ITPR1: variants seen among roughly 807,000 people sequenced by gnomAD.
The protein encoded by ITPR1 is inositol 1,4,5-trisphosphate-gated calcium channel ITPR1.
A neutral mutation model predicts 318.4 loss-of-function variants in ITPR1; 96 were observed. That is an observed-to-expected ratio of 0.30 (90% CI 0.26 to 0.36). The LOEUF is 0.36. Among genes scored for constraint, ITPR1 ranks in the 10% least tolerant of loss-of-function variants. ITPR1 has a pLI of 1.00. For missense variants in ITPR1, 2,440 were observed against 3,460.2 expected (o/e 0.71, Z 7.40); for synonymous variants, 1,312 against 1,289.9 (o/e 1.02, Z -0.37).
Position 4,662,552 on chromosome 3 carries a change from A to G in ITPR1, c.1412+310A>G, listed in dbSNP as rs530853513. 9.6e-3 allele frequency among the ~76,000 whole-genome samples: 1,456 copies of G among 152,112 alleles called. 21 individuals are homozygous for G. Among genetic ancestry groups the G allele is most frequent in the African/African-American group, 0.033 (1,367 of 41,486 alleles). The stretch of plus-strand genomic sequence containing the variant: ...AGCCTGCCTAACATGGTGAAACCCC[A>G]TCTCTACTAAAAATACAAAAATTAG... On this transcript the variant is annotated intron_variant, in intron 15 of 61. Coordinates refer to ENST00000649015, the MANE Select transcript of ITPR1 (RefSeq NM_001378452.1).
intron 44 of ITPR1, among the ~76,000 whole-genome samples, chr3:4,741,291 G>A (rs1352082960): frequency 6.6e-6 from 1 of 152,152 alleles, no homozygotes; most frequent in Non-Finnish European, 1.5e-5. Flanking sequence ...GCACATTATG[G>A]GGATAGATAG....
rs112081954 is a variant in ITPR1, at chr3:4,615,533, C to T, written c.164-12230C>T. On this transcript the variant is annotated intron_variant, in intron 4 of 61. Coordinates refer to ENST00000649015, the MANE Select transcript of ITPR1 (RefSeq NM_001378452.1). ...CTGGGATTATAGACATGTGCCACCA[C>T]GCCTGGCTAATTTTGTATTTTTAGT... is the stretch of plus-strand genomic sequence containing the variant. 3.1e-3 allele frequency among the ~76,000 whole-genome samples: 479 copies of T among 152,066 alleles called. 2 individuals are homozygous for T. Among genetic ancestry groups the T allele is most frequent in the Non-Finnish European group, 5.5e-3 (376 of 67,982 alleles).
intron 51 of ITPR1, among the ~76,000 whole-genome samples, chr3:4,785,878 A>T (rs187161538): frequency 6.6e-6 from 1 of 152,358 alleles, no homozygotes; most frequent in African/African-American, 2.4e-5. Context: ...AAGAGAAGTG[A>T]CCAGGCATGA....
At chr3:4,699,606 G>A (rs2094611575) in intron 34 of ITPR1, among the ~76,000 whole-genome samples, 1 of 152,122 alleles carries the variant, frequency 6.6e-6, no homozygotes, top group African/African-American at 2.4e-5. Context: ...TAATGTTTGT[G>A]ATTTTGCATC....
intron 61 of ITPR1, among the ~76,000 whole-genome samples, chr3:4,842,147 A>G (rs1016777143): frequency 6.6e-6 from 1 of 152,228 alleles, no homozygotes; most frequent in African/African-American, 2.4e-5. Flanking sequence ...AAATTTGCCC[A>G]TTTCTACTGT....
At chr3:4,812,965 T>C in intron 56 of ITPR1, 177 bp from the exon 57 acceptor site, 1 of 616,796 alleles carries the variant, frequency 1.6e-6, no homozygotes, top group Non-Finnish European at 2.9e-6. Flanking sequence ...TTGGCTTTTT[T>C]CCCATCCAGA....
chr3:4,770,923 G>C (rs1265479324), intron 46 of ITPR1, among the ~76,000 whole-genome samples: 1 of 152,134 alleles, frequency 6.6e-6, no homozygotes, highest in African/African-American at 2.4e-5. Flanking sequence ...AGGCAAAGGG[G>C]GAGTGAGTGA....
At chr3:4,636,342 G>C (rs994064652) in intron 5 of ITPR1, among the ~76,000 whole-genome samples, 1 of 152,134 alleles carries the variant, frequency 6.6e-6, no homozygotes, top group Non-Finnish European at 1.5e-5. Context: ...GAAGGCTCAG[G>C]CATCATTAAA....
In ITPR1 at chr3:4,528,017, C is replaced by T. The variant is rs145168032; in HGVS notation, c.163+6923C>T. ...TTTCATGCTTGAGTGATAAGAAACA[C>T]TTGAGTGTCAATAGCCTACTTCTCT... On this transcript the variant is annotated intron_variant, in intron 4 of 61. Transcript: ENST00000649015. Among the ~76,000 whole-genome samples, 20 of 152,288 alleles carry T rather than the reference C, an allele frequency of 1.3e-4. No individual in the cohort carries two copies. In the East Asian group the frequency reaches 3.9e-3, roughly 29 times the overall value.
chr3:4,496,657 G>A (rs2080596529), intron 2 of ITPR1, among the ~76,000 whole-genome samples: 1 of 152,200 alleles, frequency 6.6e-6, no homozygotes, highest in African/African-American at 2.4e-5. Flanking sequence ...AAGTGAGGAA[G>A]ATCAGGGTGT....
intron 13 of ITPR1, among the ~76,000 whole-genome samples, chr3:4,659,827 G>A (rs116099794): frequency 0.019 from 2,888 of 151,998 alleles, 80 homozygotes; most frequent in African/African-American, 0.064. Context: ...TATTAATATA[G>A]GTATTCATAT....
intron 44 of ITPR1, among the ~76,000 whole-genome samples, chr3:4,744,586 C>A (rs1369776886): frequency 1.3e-5 from 2 of 152,216 alleles, no homozygotes; most frequent in Admixed American, 6.5e-5. Flanking sequence ...GTAGTTGTGA[C>A]AGATAGCTGC....
intron 4 of ITPR1, among the ~76,000 whole-genome samples, chr3:4,529,816 T>G (rs79561967): frequency 0.013 from 1,921 of 152,332 alleles, 37 homozygotes; most frequent in African/African-American, 0.044. Context: ...TCTATTTAAT[T>G]AATATACTTT....
rs1446618326 is a variant in ITPR1, at chr3:4,710,993, C to G, written c.4991+520C>G. On this transcript the variant is annotated intron_variant, in intron 38 of 61. Coordinates refer to ENST00000649015, the MANE Select transcript of ITPR1 (RefSeq NM_001378452.1). This position sits in a 1 kb window ranked among gnomAD's most constrained non-coding sequence, Gnocchi z 4.2. ...TTGGGAGGCCGGGGCTGGTGAATCA[C>G]CTGAGGTCAGGGGTTCAAGACCAGC... Among the ~76,000 whole-genome samples, 1 of 152,024 alleles carries G rather than the reference C, an allele frequency of 6.6e-6. No homozygotes were observed. The highest frequency in any genetic ancestry group is 1.5e-5 in the Non-Finnish European group (1 of 67,990).
At chr3:4,632,845 T>C (rs1218913796) in intron 5 of ITPR1, among the ~76,000 whole-genome samples, 3 of 150,772 alleles carry the variant, frequency 2.0e-5, no homozygotes, top group Non-Finnish European at 4.4e-5. Context: ...CAGAAATCTC[T>C]CTCATGCTGT....
At chr3:4,643,411 G>T (rs1423501109) in intron 7 of ITPR1, among the ~76,000 whole-genome samples, 1 of 152,100 alleles carries the variant, frequency 6.6e-6, no homozygotes. Flanking sequence ...GAATCTGTGT[G>T]TGGCCATGGC....
intron 10 of ITPR1, 91 bp downstream of exon 10, chr3:4,645,819 CATACAT>C: frequency 3.4e-6 from 4 of 1,168,480 alleles, no homozygotes; most frequent in Non-Finnish European, 4.9e-6. Flanking sequence ...AATATTCATA[CATACAT>C]ATACCTATAT....
intron 4 of ITPR1, among the ~76,000 whole-genome samples, chr3:4,564,552 C>G (rs544222983): frequency 6.6e-6 from 1 of 152,196 alleles, no homozygotes; most frequent in East Asian, 1.9e-4. Context: ...TATGTTGAAA[C>G]CTGATAACCA....
chr3:4,700,399 G>A lies in ITPR1; in HGVS notation c.4536+458G>A, dbSNP rs1158939934. Among the ~76,000 whole-genome samples, 2 of 152,190 alleles carry A rather than the reference G, an allele frequency of 1.3e-5. 1 individual carries two copies. Among genetic ancestry groups the A allele is most frequent in the Admixed American group, 1.3e-4 (2 of 15,284 alleles). On this transcript the variant is annotated intron_variant, in intron 35 of 61. Transcript: ENST00000649015. ...TCCCTTGTACCTGGCATTGTGACTG[G>A]CACTGAGTTGCTAATTTGTTGAACA...
Sources: gnomAD v4.1 joint callset for allele counts (sites outside exome capture counted in the v4.1 genomes callset) on GRCh38, gnomAD v4.1.1 for gene constraint, Gnocchi (gnomAD v3.1) non-coding constraint, MANE v1.5 for transcripts, NCBI Gene and HGNC (gene_info 2026-07-23, HGNC 2026-07-21) for gene names.